TBC1D19: variants seen among roughly 807,000 people sequenced by gnomAD.
TBC1D19 encodes the protein TBC1 domain family member 19.
Under a neutral mutation model 89.0 loss-of-function variants are expected in TBC1D19, and 60 were observed. The observed-to-expected ratio is 0.67, with a 90% confidence interval of 0.55 to 0.84. TBC1D19 has a LOEUF of 0.84. Among genes scored for constraint, TBC1D19 ranks in the 40% least tolerant of loss-of-function variants. The pLI, the probability that TBC1D19 is intolerant of heterozygous loss-of-function variation, is 0.00. For synonymous variants in TBC1D19, 189 were observed against 199.7 expected, an observed-to-expected ratio of 0.95 and a Z score of 0.45; for missense variants, 500 against 610.8, an observed-to-expected ratio of 0.82 and a Z score of 1.91.
chr4:26,593,477 A>G (rs13131718), intron 1 of TBC1D19, among the ~76,000 whole-genome samples: 57,241 of 152,002 alleles, frequency 0.38, 11,781 homozygotes, highest in Non-Finnish European at 0.47. Context: ...ACAAAAGCCA[A>G]AATTGACAAA....
At chr4:26,617,700 A>G (rs1334257805) in intron 3 of TBC1D19, among the ~76,000 whole-genome samples, 4 of 152,234 alleles carry the variant, frequency 2.6e-5, no homozygotes, top group South Asian at 4.1e-4. Flanking sequence ...CAAAATGAAA[A>G]TAGATCAATT....
the TBC1D19 span, among the ~76,000 whole-genome samples, chr4:26,825,806 T>C: frequency 2.0e-5 from 3 of 152,220 alleles, no homozygotes; most frequent in African/African-American, 7.2e-5. Flanking sequence ...ATCTCCTTCA[T>C]AGAATTGTTA....
chr4:26,801,130 T>C, the TBC1D19 span, among the ~76,000 whole-genome samples: 1 of 152,248 alleles, frequency 6.6e-6, no homozygotes, highest in African/African-American at 2.4e-5. Flanking sequence ...CTAGGGTTTT[T>C]ATGGTTTTAG....
At chr4:26,736,221 A>G (rs553222922) in intron 16 of TBC1D19, among the ~76,000 whole-genome samples, 3 of 112,900 alleles carry the variant, frequency 2.7e-5, no homozygotes, top group African/African-American at 8.8e-5. Context: ...GCCATAAAAA[A>G]TGATGAGTTC....
intron 18 of TBC1D19, among the ~76,000 whole-genome samples, chr4:26,747,105 T>C (rs2109326524): frequency 6.6e-6 from 1 of 152,338 alleles, no homozygotes; most frequent in East Asian, 1.9e-4. Context: ...CAGTTGGCTA[T>C]GGGTAACTGA....
At chr4:26,705,134 T>C (rs1306924253) in intron 13 of TBC1D19, among the ~76,000 whole-genome samples, 1 of 152,032 alleles carries the variant, frequency 6.6e-6, no homozygotes, top group Non-Finnish European at 1.5e-5. Context: ...TTTGTTGTTG[T>C]TGTTGTTATT....
intron 19 of TBC1D19, among the ~76,000 whole-genome samples, chr4:26,749,964 A>G (rs370606709): frequency 4.6e-5 from 7 of 152,212 alleles, no homozygotes; most frequent in African/African-American, 1.7e-4. Context: ...AGTAACATAT[A>G]TAATCTAGCA....
At chr4:26,581,444 C>T (rs528851824), upstream of TBC1D19, among the ~76,000 whole-genome samples, 27 of 152,084 alleles carry the variant, frequency 1.8e-4, no homozygotes, top group Non-Finnish European at 2.9e-4. Context: ...TCTCATGGCT[C>T]GACTCCCACT....
the TBC1D19 span, among the ~76,000 whole-genome samples, chr4:26,834,425 A>G: frequency 2.0e-5 from 3 of 152,128 alleles, no homozygotes; most frequent in African/African-American, 7.2e-5. Context: ...CCCATTATGT[A>G]TCATGGACAG....
chr4:26,594,203 A>G (rs1196176970), intron 1 of TBC1D19, among the ~76,000 whole-genome samples: 1 of 152,182 alleles, frequency 6.6e-6, no homozygotes, highest in Admixed American at 6.5e-5. Flanking sequence ...ACATGGATGA[A>G]GCTGGAAACC....
At chr4:26,813,846 G>C in the TBC1D19 span, among the ~76,000 whole-genome samples, 1 of 152,118 alleles carries the variant, frequency 6.6e-6, no homozygotes, top group Non-Finnish European at 1.5e-5. Flanking sequence ...CCAGTGGGAG[G>C]CTCTGGCTGA....
downstream of TBC1D19, among the ~76,000 whole-genome samples, chr4:26,759,724 A>G (rs1226627021): frequency 6.6e-6 from 1 of 152,170 alleles, no homozygotes; most frequent in African/African-American, 2.4e-5. Flanking sequence ...ATCCATATGT[A>G]CTTTTTTGTG....
intron 10 of TBC1D19, among the ~76,000 whole-genome samples, chr4:26,673,051 A>G (rs989121423): frequency 6.6e-6 from 1 of 151,682 alleles, no homozygotes; most frequent in Admixed American, 6.6e-5. Flanking sequence ...GTTTTTTTGG[A>G]CCTTTATTTC....
At chr4:26,659,498 T>C (rs1745081691) in intron 7 of TBC1D19, 99 bp from the exon 8 acceptor site, 1 of 644,786 alleles carries the variant, frequency 1.6e-6, no homozygotes, top group Non-Finnish European at 2.7e-6. Context: ...CAAATAGTAA[T>C]TAATTTTGTG....
chr4:26,748,667 G>A (rs765907180), intron 19 of TBC1D19, 141 bp downstream of exon 19: 36 of 640,060 alleles, frequency 5.6e-5, no homozygotes, highest in Non-Finnish European at 7.7e-5. Flanking sequence ...TGGCTTTGAC[G>A]ATAAGTACGA....
chr4:26,620,235 A>G (rs1218230175), intron 3 of TBC1D19, among the ~76,000 whole-genome samples: 1 of 152,192 alleles, frequency 6.6e-6, no homozygotes, highest in East Asian at 1.9e-4. Flanking sequence ...GTCTTGGTTT[A>G]AATATAAAAT....
intron 7 of TBC1D19, among the ~76,000 whole-genome samples, chr4:26,655,966 C>T (rs531218610): frequency 1.8e-3 from 281 of 152,302 alleles, no homozygotes; most frequent in African/African-American, 6.2e-3. Context: ...GCGTCGCTCA[C>T]GCTGGGAGCT....
At chr4:26,664,628 C>CTT (rs34385885) in intron 8 of TBC1D19, among the ~76,000 whole-genome samples, 248 of 136,210 alleles carry the variant, frequency 1.8e-3, no homozygotes, top group African/African-American at 6.2e-3. Flanking sequence ...AGATGCAGTA[C>CTT]TTTTTTTTTT....
At chr4:26,624,533 T>A (rs1425144756) in intron 4 of TBC1D19, among the ~76,000 whole-genome samples, 1 of 152,102 alleles carries the variant, frequency 6.6e-6, no homozygotes, top group African/African-American at 2.4e-5. Flanking sequence ...TCTGTATACA[T>A]CTTTCTGACA....
Sources: gnomAD v4.1 joint callset for allele counts (sites outside exome capture counted in the v4.1 genomes callset) on GRCh38, gnomAD v4.1.1 for gene constraint, MANE v1.5 for transcripts, NCBI Gene and HGNC (gene_info 2026-07-23, HGNC 2026-07-21) for gene names.